LARGE1: variants seen among roughly 807,000 people sequenced by gnomAD.
The protein encoded by LARGE1 is LARGE xylosyl- and glucuronyltransferase 1.
A neutral mutation model predicts 87.6 loss-of-function variants in LARGE1; 43 were observed. The observed-to-expected ratio is 0.49, with a 90% CI of 0.38 to 0.63. LARGE1 has a LOEUF of 0.63. Ranked by LOEUF, LARGE1 falls within the 30% of genes least tolerant of loss-of-function variation. The probability of loss-of-function intolerance (pLI) is 0.00; values close to 1 mark genes in which losing one functional copy is unlikely to be tolerated. For synonymous variants in LARGE1, 434 were observed against 394.6 expected (o/e 1.10, Z -1.18); for missense variants, 802 against 1,000.2 (o/e 0.80, Z 2.67).
intron 1 of LARGE1, among the ~76,000 whole-genome samples, chr22:33,771,381 A>C (rs2145817055): frequency 6.6e-6 from 1 of 151,360 alleles, no homozygotes; most frequent in East Asian, 1.9e-4. Context: ...AGGAAATCAC[A>C]CTCTCAGGCT....
chr22:33,443,390 G>A (rs562907769), intron 6 of LARGE1, among the ~76,000 whole-genome samples: 5 of 152,154 alleles, frequency 3.3e-5, no homozygotes, highest in African/African-American at 9.7e-5. Flanking sequence ...GGGGAGAAAG[G>A]GTGGTCGAAG....
chr22:33,255,855 T>A (rs1401232280), intron 11 of LARGE1, among the ~76,000 whole-genome samples: 2 of 152,216 alleles, frequency 1.3e-5, no homozygotes, highest in African/African-American at 4.8e-5. Flanking sequence ...GTTATCCAAC[T>A]TGAGGTGTTT....
chr22:33,650,617 C>CT lies in LARGE1; in HGVS notation c.157dup (p.Arg53LysfsTer112), dbSNP rs1353017861. ...CTCCCGCTGGCTGGAGGCCGTGTAC[C>CT]TGGGGCTGTGTGCCTGGGACTCCAG... On this transcript the variant is annotated frameshift_variant, in exon 3 of 15. Coordinates refer to ENST00000397394, the MANE Select transcript of LARGE1 (RefSeq NM_133642.5). LOFTEE classifies it high-confidence loss of function. 6.2e-7 allele frequency: 1 copy of CT among 1,603,970 alleles called. No homozygotes were observed. The highest frequency in any genetic ancestry group is 8.5e-7 in the Non-Finnish European group (1 of 1,179,958).
At chr22:33,326,373 C>T (rs1490022588) in intron 10 of LARGE1, among the ~76,000 whole-genome samples, 1 of 152,194 alleles carries the variant, frequency 6.6e-6, no homozygotes, top group Non-Finnish European at 1.5e-5. Context: ...TTCCTATGGT[C>T]TAGGAGGAGA....
chr22:33,909,072 G>T (rs963113364), intron 1 of LARGE1, among the ~76,000 whole-genome samples: 21 of 152,150 alleles, frequency 1.4e-4, no homozygotes, highest in African/African-American at 4.8e-4. Context: ...CCCAATAAGA[G>T]AGGCCCCGAA....
At chr22:33,588,153 T>G (rs961461959) in intron 5 of LARGE1, among the ~76,000 whole-genome samples, 9 of 152,186 alleles carry the variant, frequency 5.9e-5, no homozygotes, top group Middle Eastern at 3.2e-3. Context: ...AAGCACATGC[T>G]AAGAATTGGG....
intron 2 of LARGE1, among the ~76,000 whole-genome samples, chr22:33,680,466 G>C (rs956244841): frequency 2.8e-4 from 42 of 149,262 alleles, no homozygotes; most frequent in Admixed American, 1.3e-3. Context: ...AGAATGGGGT[G>C]GGGGGCAGAA....
At chr22:33,144,864 A>G in the LARGE1 span, among the ~76,000 whole-genome samples, 1 of 152,216 alleles carries the variant, frequency 6.6e-6, no homozygotes, top group African/African-American at 2.4e-5. Context: ...CAAACTGATT[A>G]TTTAAATATA....
At chr22:33,408,367 T>A (rs1323626023) in intron 7 of LARGE1, among the ~76,000 whole-genome samples, 2 of 152,206 alleles carry the variant, frequency 1.3e-5, no homozygotes, top group African/African-American at 4.8e-5. Flanking sequence ...AGATCAATGA[T>A]AAGGATGACA....
At chr22:33,245,707 G>T (rs1188036064) in intron 11 of LARGE1, among the ~76,000 whole-genome samples, 1 of 152,186 alleles carries the variant, frequency 6.6e-6, no homozygotes, top group Non-Finnish European at 1.5e-5. Flanking sequence ...TCTGGAGTTC[G>T]AGACCAGTCT....
chr22:33,373,442 T>C (rs1289997740), intron 9 of LARGE1, among the ~76,000 whole-genome samples: 1 of 152,224 alleles, frequency 6.6e-6, no homozygotes, highest in Non-Finnish European at 1.5e-5. Context: ...TCATTTAGAA[T>C]GGTAATTTCA....
At chr22:33,754,911 C>T (rs2084452573) in intron 2 of LARGE1, among the ~76,000 whole-genome samples, 1 of 152,120 alleles carries the variant, frequency 6.6e-6, no homozygotes, top group Non-Finnish European at 1.5e-5. Flanking sequence ...GGATGAGGGG[C>T]TGAGGGATGG....
intron 2 of LARGE1, among the ~76,000 whole-genome samples, chr22:33,686,979 C>T (rs2081963306): frequency 6.6e-6 from 1 of 152,170 alleles, no homozygotes; most frequent in African/African-American, 2.4e-5. Flanking sequence ...CTGTGAGGCC[C>T]CCGATCACGG....
intron 6 of LARGE1, among the ~76,000 whole-genome samples, chr22:33,509,119 G>A (rs1229936690): frequency 1.3e-5 from 2 of 152,132 alleles, no homozygotes; most frequent in Non-Finnish European, 2.9e-5. Flanking sequence ...CTAACCCAGT[G>A]GGTTTCAAAC....
intron 11 of LARGE1, among the ~76,000 whole-genome samples, chr22:33,188,150 CT>C (rs1276788009): frequency 6.6e-6 from 1 of 151,504 alleles, no homozygotes; most frequent in Non-Finnish European, 1.5e-5. Context: ...AATGTTTTTG[CT>C]GATAATAATT....
Position 33,626,225 on chromosome 22 carries a change from G to A in LARGE1, c.491+19C>T, listed in dbSNP as rs747508359. On this transcript the variant is annotated intron_variant, in intron 4 of 14. Coordinates refer to ENST00000397394, the MANE Select transcript of LARGE1 (RefSeq NM_133642.5). ...GCAGTGACAGACCTCAGCCCACACA[G>A]CACAGAAGTTGTTCTTACCTATGGA... 1.2e-6 allele frequency: 2 copies of A among 1,608,348 alleles called. No individual in the cohort carries two copies. Among genetic ancestry groups the A allele is most frequent in the Non-Finnish European group, 1.7e-6 (2 of 1,174,880 alleles).
intron 2 of LARGE1, among the ~76,000 whole-genome samples, chr22:33,665,846 C>T (rs551485330): frequency 2.6e-5 from 4 of 151,774 alleles, no homozygotes; most frequent in Non-Finnish European, 4.4e-5. Flanking sequence ...GAGCCGAGAT[C>T]GTGCCACTGC....
intron 2 of LARGE1, among the ~76,000 whole-genome samples, chr22:33,682,762 AC>A (rs2081818200): frequency 6.6e-6 from 1 of 152,190 alleles, no homozygotes; most frequent in African/African-American, 2.4e-5. Context: ...CAAGTATATG[AC>A]CCACTGTGAG....
At chr22:33,871,512 T>C (rs2064280236) in intron 1 of LARGE1, among the ~76,000 whole-genome samples, 2 of 152,304 alleles carry the variant, frequency 1.3e-5, no homozygotes, top group Admixed American at 6.5e-5. Context: ...ACAGATGCTA[T>C]TAGAGGACAG....
Sources: allele counts gnomAD v4.1 joint callset (sites outside exome capture counted in the v4.1 genomes callset), GRCh38; gene constraint gnomAD v4.1.1; transcripts MANE v1.5; gene names NCBI Gene and HGNC (gene_info 2026-07-23, HGNC 2026-07-21).